The following SND1 variants were observed in gnomAD, a reference collection of about 807,000 sequenced individuals.
SND1 encodes staphylococcal nuclease and tudor domain containing 1.
A neutral mutation model predicts 121.7 loss-of-function variants in SND1; 38 were observed. That is an observed-to-expected ratio of 0.31 (90% CI 0.24 to 0.41). The LOEUF is 0.41. SND1 is among the 10% of genes least tolerant of loss of function. The pLI is 1.00. For missense variants in SND1, 868 were observed against 1,184.6 expected (o/e 0.73, Z 3.92); for synonymous variants, 401 against 447.4 (o/e 0.90, Z 1.31).
chr7:127,734,406 G>A (rs570175274), intron 10 of SND1, among the ~76,000 whole-genome samples: 18 of 152,188 alleles, frequency 1.2e-4, no homozygotes, highest in East Asian at 3.9e-4. Flanking sequence ...TGAATTTTAC[G>A]TCATGATAAA....
intron 1 of SND1, among the ~76,000 whole-genome samples, chr7:127,676,875 G>A (rs1270868217): frequency 6.6e-6 from 1 of 152,148 alleles, no homozygotes; most frequent in African/African-American, 2.4e-5. Flanking sequence ...CCAAGTAGCT[G>A]GGATTACAAG....
At chr7:127,911,222 GGATCCTCA>G (rs2116778895) in intron 14 of SND1, among the ~76,000 whole-genome samples, 2 of 152,290 alleles carry the variant, frequency 1.3e-5, no homozygotes, top group African/African-American at 4.8e-5. Flanking sequence ...TGACTGGCTT[GGATCCTCA>G]CTGCACAGAA....
chr7:127,912,164 T>C (rs1800472632), intron 14 of SND1, among the ~76,000 whole-genome samples: 1 of 152,202 alleles, frequency 6.6e-6, no homozygotes, highest in South Asian at 2.1e-4. Flanking sequence ...GCAACCACTT[T>C]CTGTTTTTTG....
intron 16 of SND1, among the ~76,000 whole-genome samples, chr7:128,016,008 T>C (rs1171164514): frequency 6.6e-6 from 1 of 152,210 alleles, no homozygotes; most frequent in Non-Finnish European, 1.5e-5. Flanking sequence ...TGGAATGCCA[T>C]TGGTACAGCC....
intron 15 of SND1, among the ~76,000 whole-genome samples, chr7:127,981,935 G>T (rs139069410): frequency 5.3e-5 from 8 of 152,322 alleles, no homozygotes; most frequent in African/African-American, 1.7e-4. Context: ...GCAGGTTGTT[G>T]TAACAGGTTT....
At position 128,085,559 on chromosome 7, in the gene SND1, C is replaced by G. The variant is rs1345843709; in HGVS notation, c.2235-152C>G. 2.9e-6 allele frequency: 2 copies of G among 684,420 alleles called. No individual in the cohort carries two copies. The highest frequency in any genetic ancestry group is 3.6e-5 in the African/African-American group (2 of 56,312). The allele number at this position is 684,420 out of a possible 1,614,324, so 42.4% of individuals were successfully genotyped here. ...TAGGTGGTGACCACAGTGGCCGAGGCTGGGCCTAGATGGAGTGCAGTTACT... is the reference window on the plus strand; with the variant it reads ...TAGGTGGTGACCACAGTGGCCGAGGGTGGGCCTAGATGGAGTGCAGTTACT... On this transcript the variant is annotated intron_variant, in intron 19 of 23. Coordinates refer to ENST00000354725, the MANE Select transcript of SND1 (RefSeq NM_014390.4). This position sits in a 1 kb window ranked among gnomAD's most constrained non-coding sequence, Gnocchi z 4.4.
chr7:128,044,496 A>G (rs1240398032), intron 16 of SND1, among the ~76,000 whole-genome samples: 2 of 152,154 alleles, frequency 1.3e-5, no homozygotes, highest in Middle Eastern at 3.2e-3. Flanking sequence ...TACGTGTACA[A>G]CACACTTATT....
chr7:128,042,001 A>G (rs1425493093), intron 16 of SND1, among the ~76,000 whole-genome samples: 3 of 152,178 alleles, frequency 2.0e-5, no homozygotes, highest in Non-Finnish European at 2.9e-5. Flanking sequence ...GCCTTTGTGC[A>G]GCTACCAGCT....
chr7:127,872,624 ACACG>A (rs1307251904), intron 12 of SND1, among the ~76,000 whole-genome samples: 10 of 100,776 alleles, frequency 9.9e-5, no homozygotes, highest in East Asian at 4.7e-4. Context: ...TTTTTAACAC[ACACG>A]CACACACACA....
intron 11 of SND1, among the ~76,000 whole-genome samples, chr7:127,841,791 A>G (rs1384715480): frequency 6.6e-6 from 1 of 152,156 alleles, no homozygotes; most frequent in Non-Finnish European, 1.5e-5. Context: ...GTCTGAACAC[A>G]TTTCTCACAT....
At chr7:127,926,765 G>GTTGTTGTTGTTA (rs1324573833) in intron 14 of SND1, among the ~76,000 whole-genome samples, 2 of 142,526 alleles carry the variant, frequency 1.4e-5, no homozygotes, top group African/African-American at 5.6e-5. Flanking sequence ...TGTTGTTGTT[G>GTTGTTGTTGTTA]TACTTTTAGT....
chr7:127,804,653 C>T (rs1798198836), intron 10 of SND1, among the ~76,000 whole-genome samples: 1 of 151,870 alleles, frequency 6.6e-6, no homozygotes, highest in African/African-American at 2.4e-5. Context: ...TGCTTATAGT[C>T]CTAGCTACTC....
chr7:128,027,272 C>A (rs1405029041), intron 16 of SND1: 2 of 147,194 alleles, frequency 1.4e-5, no homozygotes, highest in African/African-American at 5.0e-5. Flanking sequence ...TCTCTGCCTT[C>A]CCCACCCACG....
intron 16 of SND1, among the ~76,000 whole-genome samples, chr7:128,053,582 G>A (rs1793083658): frequency 6.6e-6 from 1 of 152,084 alleles, no homozygotes; most frequent in South Asian, 2.1e-4. Context: ...CTGGGCAATG[G>A]GGGAAAGAAA....
At chr7:127,901,981 C>G (rs952558077) in intron 13 of SND1, among the ~76,000 whole-genome samples, 1 of 152,166 alleles carries the variant, frequency 6.6e-6, no homozygotes, top group Admixed American at 6.5e-5. Flanking sequence ...CTATTATCCA[C>G]GTCTTCCAGT....
intron 11 of SND1, among the ~76,000 whole-genome samples, chr7:127,811,933 T>TTATA (rs1798342009): frequency 6.6e-6 from 1 of 152,194 alleles, no homozygotes; most frequent in Non-Finnish European, 1.5e-5. Flanking sequence ...AGAATGCCGA[T>TTATA]TATATCTTCA....
At chr7:128,031,804 C>G (rs1372158607) in intron 16 of SND1, among the ~76,000 whole-genome samples, 1 of 148,280 alleles carries the variant, frequency 6.7e-6, no homozygotes, top group Non-Finnish European at 1.5e-5. Context: ...GCCCGGCCCC[C>G]GGCGCGCCGC....
At chr7:127,872,561 A>AT (rs1014349919) in intron 12 of SND1, among the ~76,000 whole-genome samples, 9 of 147,430 alleles carry the variant, frequency 6.1e-5, no homozygotes, top group African/African-American at 1.7e-4. Context: ...TTAGATGAGG[A>AT]TTTTTTTTTC....
At chr7:128,028,814 G>C in intron 16 of SND1, 1 of 1,614,146 alleles carries the variant, frequency 6.2e-7, no homozygotes, top group Non-Finnish European at 8.5e-7. Flanking sequence ...CTGGTTTGTA[G>C]GTGTTGTAGT....
Sources: gnomAD v4.1 joint callset for allele counts (sites outside exome capture counted in the v4.1 genomes callset) on GRCh38, gnomAD v4.1.1 for gene constraint, Gnocchi (gnomAD v3.1) non-coding constraint, MANE v1.5 for transcripts, NCBI Gene and HGNC (gene_info 2026-07-23, HGNC 2026-07-21) for gene names.